LRBA: variants seen among roughly 807,000 people sequenced by gnomAD.
The protein encoded by LRBA is lipopolysaccharide-responsive and beige-like anchor protein.
A neutral mutation model predicts 330.0 loss-of-function variants in LRBA; 176 were observed. The observed-to-expected ratio is 0.53, with a 90% confidence interval of 0.47 to 0.60. The LOEUF (loss-of-function observed/expected upper bound fraction) is 0.60, where lower values mean the gene tolerates loss of function less well. Among genes scored for constraint, LRBA ranks in the 20% least tolerant of loss-of-function variants. The pLI is 0.00. For synonymous variants in LRBA, 1,230 were observed against 1,193.0 expected, an observed-to-expected ratio of 1.03 and a Z score of -0.64; for missense variants, 3,259 against 3,444.8, an observed-to-expected ratio of 0.95 and a Z score of 1.35.
At chr4:150,900,271 C>A in intron 13 of LRBA, 54 bp from the exon 14 acceptor site, 1 of 1,322,534 alleles carries the variant, frequency 7.6e-7, no homozygotes, top group Non-Finnish European at 1.1e-6. Context: ...TTATCTGTTT[C>A]CAGTAACACT....
In LRBA at chr4:150,549,374, T is replaced by C. The variant is rs189010936; in HGVS notation, c.6330+38674A>G. ...TTAGATGGAGTCTCGCTCTGTTGCC[T>C]ATGCTGCAGTGCAGTGGCACTATCT... On this transcript the variant is annotated intron_variant, in intron 40 of 56. Transcript: ENST00000651943. Among the ~76,000 whole-genome samples, 6 of 152,092 alleles carry C rather than the reference T, an allele frequency of 3.9e-5. No individual in the cohort carries two copies. In the South Asian group the frequency reaches 6.2e-4, roughly 16 times the overall value.
In LRBA at chr4:150,769,499, T is replaced by C. The variant is rs373568637; in HGVS notation, c.5581-7652A>G. 2.7e-4 allele frequency among the ~76,000 whole-genome samples: 41 copies of C among 152,274 alleles called. No homozygotes were observed. In the East Asian group the frequency reaches 2.7e-3, roughly 10 times the overall value. ...CTCTAGACCCAGGAAGAGACAAATT[T>C]GAATCCAAAAGTGAGAAAAAACTAA... is the stretch of plus-strand genomic sequence containing the variant. On this transcript the variant is annotated intron_variant, in intron 34 of 56. Transcript: ENST00000651943.
intron 33 of LRBA, among the ~76,000 whole-genome samples, chr4:150,805,445 AG>A (rs1184778805): frequency 4.4e-4 from 24 of 54,328 alleles, no homozygotes; most frequent in African/African-American, 5.8e-4. Flanking sequence ...AAGGAAGGAA[AG>A]GGAAAGGAAA....
At chr4:150,750,933 TA>T (rs1733446319) in intron 35 of LRBA, among the ~76,000 whole-genome samples, 1 of 148,560 alleles carries the variant, frequency 6.7e-6, no homozygotes, top group African/African-American at 2.5e-5. Flanking sequence ...AAAAAAGGAC[TA>T]AAAAAATCTT....
intron 36 of LRBA, among the ~76,000 whole-genome samples, chr4:150,728,263 T>G (rs1400806379): frequency 6.6e-6 from 1 of 152,050 alleles, no homozygotes. Flanking sequence ...CTTCACTGAA[T>G]TCTACCAAAC....
intron 47 of LRBA, among the ~76,000 whole-genome samples, chr4:150,398,633 C>CT (rs57787237): frequency 0.22 from 32,512 of 147,236 alleles, 4,224 homozygotes; most frequent in Non-Finnish European, 0.31. Flanking sequence ...TTCTTTCTTT[C>CT]TTTTTTTTTT....
At chr4:150,791,503 CAT>C (rs1441857907) in intron 34 of LRBA, among the ~76,000 whole-genome samples, 13 of 152,160 alleles carry the variant, frequency 8.5e-5, no homozygotes, top group African/African-American at 1.7e-4. Context: ...GCATACGACA[CAT>C]GTTTGCTAAA....
intron 40 of LRBA, among the ~76,000 whole-genome samples, chr4:150,559,913 A>ATATCT (rs1561352796): frequency 3.0e-5 from 2 of 67,784 alleles, no homozygotes; most frequent in South Asian, 6.6e-4. Flanking sequence ...AATTATATAT[A>ATATCT]ATATATAAAT....
chr4:150,905,677 T>A (rs1579158283), intron 13 of LRBA, among the ~76,000 whole-genome samples, 161 bp downstream of exon 13: 1 of 152,150 alleles, frequency 6.6e-6, no homozygotes, highest in East Asian at 1.9e-4. Flanking sequence ...ATTTGCAATT[T>A]TTCCTGAAGA....
At chr4:151,012,116 T>C (rs755681815) in intron 2 of LRBA, among the ~76,000 whole-genome samples, 16 of 152,166 alleles carry the variant, frequency 1.1e-4, no homozygotes, top group Non-Finnish European at 2.2e-4. Context: ...GCGAATGATA[T>C]TGAAGAGGAG....
At chr4:150,674,185 T>G (rs1272638137) in intron 37 of LRBA, among the ~76,000 whole-genome samples, 2 of 150,792 alleles carry the variant, frequency 1.3e-5, no homozygotes, top group African/African-American at 4.9e-5. Context: ...GTTTTGGTTT[T>G]GGGGTTTTTT....
intron 5 of LRBA, among the ~76,000 whole-genome samples, chr4:150,920,196 A>G (rs1420388237): frequency 6.6e-6 from 1 of 152,216 alleles, no homozygotes; most frequent in African/African-American, 2.4e-5. Context: ...GAGAACTAAC[A>G]TAAAAAAAAG....
intron 37 of LRBA, among the ~76,000 whole-genome samples, chr4:150,628,342 C>T (rs547968346): frequency 1.9e-4 from 29 of 152,232 alleles, no homozygotes; most frequent in African/African-American, 7.0e-4. Context: ...AAATGCATCA[C>T]TCTTTACTGG....
chr4:150,765,999 C>A (rs943199163), intron 34 of LRBA, among the ~76,000 whole-genome samples: 1 of 151,942 alleles, frequency 6.6e-6, no homozygotes, highest in African/African-American at 2.4e-5. Context: ...ACAAATTAGA[C>A]ATGAAGGTAC....
intron 40 of LRBA, among the ~76,000 whole-genome samples, chr4:150,569,185 C>T (rs1268077296): frequency 2.0e-5 from 3 of 151,808 alleles, no homozygotes; most frequent in Non-Finnish European, 2.9e-5. Flanking sequence ...AAAAAAATAC[C>T]GTGACAAAAG....
chr4:150,821,527 T>C (rs1219357948), intron 30 of LRBA, among the ~76,000 whole-genome samples: 4 of 152,164 alleles, frequency 2.6e-5, no homozygotes, highest in Non-Finnish European at 4.4e-5. Flanking sequence ...TTTCAAAGTT[T>C]CTTTTAATTT....
intron 2 of LRBA, among the ~76,000 whole-genome samples, chr4:150,976,963 A>G (rs1183517135): frequency 6.6e-6 from 1 of 152,214 alleles, no homozygotes; most frequent in Non-Finnish European, 1.5e-5. Context: ...CAGTGGCTGG[A>G]AACAGTATTG....
chr4:150,471,080 AT>A (rs1211647818), intron 43 of LRBA, among the ~76,000 whole-genome samples: 1 of 152,042 alleles, frequency 6.6e-6, no homozygotes, highest in African/African-American at 2.4e-5. Context: ...TAACATTCTT[AT>A]TTTTTCCCAT....
chr4:150,412,941 A>G (rs184704668), intron 47 of LRBA, among the ~76,000 whole-genome samples: 5 of 151,880 alleles, frequency 3.3e-5, no homozygotes, highest in African/African-American at 1.2e-4. Context: ...GGCTAGTTAA[A>G]AAATATTTTC....
Sources: allele counts gnomAD v4.1 joint callset (sites outside exome capture counted in the v4.1 genomes callset), GRCh38; gene constraint gnomAD v4.1.1; transcripts MANE v1.5; gene names NCBI Gene and HGNC (gene_info 2026-07-23, HGNC 2026-07-21).